DHX32: variants seen among roughly 807,000 people sequenced by gnomAD.
DHX32 encodes the protein DEAH-box helicase 32 (putative).
DHX32 carries 51 observed loss-of-function variants against 70.0 expected under a neutral mutation model. That is an observed-to-expected ratio of 0.73 (90% CI 0.58 to 0.92). DHX32 has a LOEUF of 0.92. Among genes scored for constraint, DHX32 ranks in the 40% least tolerant of loss-of-function variants. DHX32 has a pLI of 0.00. For missense variants in DHX32, 762 were observed against 891.8 expected, an observed-to-expected ratio of 0.85 and a Z score of 1.85; for synonymous variants, 310 against 315.3, an observed-to-expected ratio of 0.98 and a Z score of 0.18.
intron 1 of DHX32, among the ~76,000 whole-genome samples, chr10:125,888,599 T>C (rs1223367566): frequency 6.6e-6 from 1 of 152,196 alleles, no homozygotes; most frequent in African/African-American, 2.4e-5. Flanking sequence ...AAGGATAATC[T>C]TCTACAATAC....
At chr10:125,873,982 T>C (rs186672334) in intron 1 of DHX32, among the ~76,000 whole-genome samples, 1 of 152,304 alleles carries the variant, frequency 6.6e-6, no homozygotes, top group Admixed American at 6.5e-5. Context: ...TCATGGGAAA[T>C]TTCAGGACAA....
intron 1 of DHX32, among the ~76,000 whole-genome samples, chr10:125,872,916 C>A (rs1057209781): frequency 6.6e-6 from 1 of 152,184 alleles, no homozygotes; most frequent in East Asian, 1.9e-4. Context: ...TAATCTAAAT[C>A]AAGGCTTTAT....
chr10:125,838,330 C>T lies in DHX32; in HGVS notation c.1939G>A (p.Ala647Thr), dbSNP rs767814391. ...TAACCAGACAGGGGATGCAGCTGAG[C>T]AACCTGCTTATGTGTCAGCATTAAG... ...NYLMLTHKQV[A>T]QLHPLSGYSI... The change falls in exon 10 of 11, where the codon GCT becomes ACT. Residue 647 changes from alanine to threonine, a missense_variant. By Grantham distance (58) the Ala-to-Thr change is moderately conservative (BLOSUM62 0). Around this residue, in one of 3 missense-constraint regions of DHX32, gnomAD observed 366 missense variants for 402.6 expected, o/e 0.91. Transcript: ENST00000284690. The T allele has an allele frequency of 1.2e-6, 2 of 1,613,690 alleles. No individual in the cohort carries two copies. The highest frequency in any genetic ancestry group is 2.2e-5 in the East Asian group (1 of 44,864).
chr10:125,867,269 T>G (rs1477367920), intron 1 of DHX32, 86 bp from the exon 2 acceptor site: 5 of 1,194,858 alleles, frequency 4.2e-6, no homozygotes, highest in Non-Finnish European at 5.8e-6. Flanking sequence ...GTTCATCTTA[T>G]AAGTGATTTT....
chr10:125,843,522 G>A (rs1854937315), intron 6 of DHX32, among the ~76,000 whole-genome samples: 2 of 151,974 alleles, frequency 1.3e-5, no homozygotes, highest in African/African-American at 4.8e-5. Flanking sequence ...TGAGGCAGGA[G>A]AATGGCGTGA....
At chr10:125,858,291 G>T (rs1234408044) in intron 3 of DHX32, among the ~76,000 whole-genome samples, 1 of 152,094 alleles carries the variant, frequency 6.6e-6, no homozygotes, top group Admixed American at 6.5e-5. Flanking sequence ...TTTACACTGA[G>T]AACCTCCAAC....
chr10:125,891,510 C>T (rs1354645436), intron 1 of DHX32, among the ~76,000 whole-genome samples: 22 of 152,374 alleles, frequency 1.4e-4, no homozygotes, highest in African/African-American at 4.8e-4. Flanking sequence ...AAGGCTGAGG[C>T]GGGAGGAGCC....
intron 6 of DHX32, among the ~76,000 whole-genome samples, chr10:125,850,304 A>C (rs1589708387): frequency 7.0e-6 from 1 of 143,350 alleles, no homozygotes; most frequent in South Asian, 2.3e-4. Flanking sequence ...TCCTCTTTTC[A>C]CCAGAGCCAT....
chr10:125,890,135 T>C, intron 1 of DHX32, among the ~76,000 whole-genome samples: 1 of 152,308 alleles, frequency 6.6e-6, no homozygotes, highest in Non-Finnish European at 1.5e-5. Context: ...CTAATGGCGA[T>C]GTCAGGAAGA....
intron 1 of DHX32, among the ~76,000 whole-genome samples, chr10:125,870,345 T>C (rs930491109): frequency 6.6e-6 from 1 of 152,226 alleles, no homozygotes; most frequent in Non-Finnish European, 1.5e-5. Context: ...CACCCTCATT[T>C]GATGCATGAG....
chr10:125,837,174 T>A (rs931171673), intron 10 of DHX32, among the ~76,000 whole-genome samples: 2 of 152,238 alleles, frequency 1.3e-5, no homozygotes, highest in African/African-American at 4.8e-5. Flanking sequence ...ACCAATCGTA[T>A]GCTTAAGAGA....
chr10:125,890,982 T>TC (rs75286658), intron 1 of DHX32, among the ~76,000 whole-genome samples: 6 of 151,276 alleles, frequency 4.0e-5, no homozygotes, highest in South Asian at 2.1e-4. Context: ...ATACAGAAAG[T>TC]CCCCCCCGAG....
chr10:125,864,127 T>C (rs1944205583), intron 2 of DHX32, among the ~76,000 whole-genome samples: 1 of 152,198 alleles, frequency 6.6e-6, no homozygotes, highest in Admixed American at 6.5e-5. Context: ...TATTTTATCA[T>C]AGGGGTCTTT....
Position 125,867,117 on chromosome 10 carries a change from G to C in DHX32, c.349C>G (p.Gln117Glu). 6.2e-7 allele frequency: 1 copy of C among 1,614,226 alleles called. No individual in the cohort carries two copies. The highest frequency in any genetic ancestry group is 8.5e-7 in the Non-Finnish European group (1 of 1,180,052). The change falls in exon 2 of 11, where the codon CAG (glutamine) becomes GAG (glutamate). Residue 117 changes from glutamine to glutamate, a missense_variant. Transcript: ENST00000284690. The stretch of plus-strand genomic sequence containing the variant: ...TGGACCACAGTCTGCTTGTGGACCT[G>C]TGTGCATATCACGCCCCCGTGCTGG... ...HYQHGGVICT[Q>E]VHKQTVVQLA...
rs1035853870 is a variant in DHX32 at position 125,866,020 on chromosome 10, C to T, written c.476+970G>A. ...AAAGCAGAGCTTCCCCAATGCTGTG[C>T]GTGGCACACTGTATGCCACACAAAT... On this transcript the variant is annotated intron_variant, in intron 2 of 10. Coordinates refer to ENST00000284690, the MANE Select transcript of DHX32 (RefSeq NM_018180.3). The surrounding 1 kb of genome is among the most constrained non-coding windows in gnomAD (Gnocchi z 4.8). 2.0e-5 allele frequency among the ~76,000 whole-genome samples: 3 copies of T among 152,228 alleles called. No homozygotes were observed. Among genetic ancestry groups the T allele is most frequent in the Non-Finnish European group, 2.9e-5 (2 of 68,040 alleles).
intron 3 of DHX32, 179 bp from the exon 4 acceptor site, chr10:125,854,382 G>T: frequency 2.2e-6 from 1 of 464,586 alleles, no homozygotes; most frequent in Non-Finnish European, 3.6e-6. Flanking sequence ...ATGAGAAAAC[G>T]TCTTTGGGGA....
At chr10:125,883,973 A>G (rs1303053774), upstream of DHX32, among the ~76,000 whole-genome samples, 1 of 152,182 alleles carries the variant, frequency 6.6e-6, no homozygotes, top group Admixed American at 6.5e-5. Context: ...TAACCGGTGC[A>G]TTAGAAGCCA....
chr10:125,865,305 G>A (rs1944214172), intron 2 of DHX32, among the ~76,000 whole-genome samples: 4 of 152,148 alleles, frequency 2.6e-5, no homozygotes, highest in East Asian at 1.9e-4. Flanking sequence ...TACCACTCAC[G>A]TACAATTTAC....
At chr10:125,892,977 GACC>G (rs1483000919) in intron 1 of DHX32, among the ~76,000 whole-genome samples, 1 of 152,122 alleles carries the variant, frequency 6.6e-6, no homozygotes, top group African/African-American at 2.4e-5. Flanking sequence ...ACACAATGAA[GACC>G]ACCATGTGCT....
Sources: gnomAD v4.1 joint callset for allele counts (sites outside exome capture counted in the v4.1 genomes callset) on GRCh38, gnomAD v4.1.1 for gene constraint, gnomAD v4.1.1 regional missense constraint, Gnocchi (gnomAD v3.1) non-coding constraint, MANE v1.5 for transcripts, NCBI Gene and HGNC (gene_info 2026-07-23, HGNC 2026-07-21) for gene names.